Variants in PHACTR1 observed in about 807,000 individuals in gnomAD.
The protein encoded by PHACTR1 is RPEL repeat containing 1.
PHACTR1 carries 16 observed loss-of-function variants against 69.2 expected under a neutral mutation model. That is an observed-to-expected ratio of 0.23 (90% CI 0.16 to 0.35). PHACTR1 has a LOEUF of 0.35. Among genes scored for constraint, PHACTR1 ranks in the 10% least tolerant of loss-of-function variants. PHACTR1 has a pLI of 1.00. For missense variants in PHACTR1, 510 were observed against 734.7 expected (o/e 0.69, Z 3.54); for synonymous variants, 312 against 284.5 (o/e 1.10, Z -0.97).
At chr6:12,797,865 T>A (rs1773237384) in intron 4 of PHACTR1, among the ~76,000 whole-genome samples, 1 of 152,152 alleles carries the variant, frequency 6.6e-6, no homozygotes, top group South Asian at 2.1e-4. Context: ...TTAGGTCTCA[T>A]CTCAAATGTC....
At chr6:13,230,454 G>A (rs6901091) in intron 10 of PHACTR1, 7,493 of 638,788 alleles carry the variant, frequency 0.012, 325 homozygotes, top group African/African-American at 0.11. Context: ...GCTGAGGCAG[G>A]AGGATTGCTT....
At chr6:12,836,037 C>T (rs1348038235) in intron 4 of PHACTR1, among the ~76,000 whole-genome samples, 1 of 152,074 alleles carries the variant, frequency 6.6e-6, no homozygotes, top group Non-Finnish European at 1.5e-5. Context: ...AACATAATGG[C>T]CTTTTATTTA....
intron 4 of PHACTR1, among the ~76,000 whole-genome samples, chr6:13,003,399 T>C (rs1178199267): frequency 6.6e-6 from 1 of 152,150 alleles, no homozygotes; most frequent in East Asian, 1.9e-4. Context: ...AAAAATAAAT[T>C]ACAAGATTTG....
At chr6:12,746,487 G>A (rs775443406) in intron 3 of PHACTR1, among the ~76,000 whole-genome samples, 2 of 152,142 alleles carry the variant, frequency 1.3e-5, no homozygotes, top group Non-Finnish European at 2.9e-5. Context: ...GCAGTGAGTC[G>A]AGACTGCATC....
chr6:12,904,761 A>C (rs1376487803), intron 4 of PHACTR1, among the ~76,000 whole-genome samples: 2 of 152,034 alleles, frequency 1.3e-5, no homozygotes, highest in Non-Finnish European at 2.9e-5. Context: ...CAACCAGCCT[A>C]ATATGTCATG....
intron 5 of PHACTR1, among the ~76,000 whole-genome samples, chr6:13,091,575 C>T (rs965671000): frequency 9.9e-5 from 15 of 152,132 alleles, no homozygotes; most frequent in African/African-American, 3.6e-4. Flanking sequence ...AAGCACATTA[C>T]ATCTATTGTA....
At chr6:12,840,503 A>G (rs1168801173) in intron 4 of PHACTR1, among the ~76,000 whole-genome samples, 2 of 152,210 alleles carry the variant, frequency 1.3e-5, no homozygotes, top group Non-Finnish European at 1.5e-5. Flanking sequence ...ACTTGTAGAA[A>G]AAGAGTCCAG....
chr6:13,220,832 A>G (rs1768492604), intron 8 of PHACTR1, among the ~76,000 whole-genome samples: 2 of 149,416 alleles, frequency 1.3e-5, no homozygotes, highest in Non-Finnish European at 2.9e-5. Flanking sequence ...TGTGACTTCA[A>G]TTCAAATATT....
chr6:12,848,220 A>G (rs1779482561), intron 4 of PHACTR1, among the ~76,000 whole-genome samples: 1 of 152,218 alleles, frequency 6.6e-6, no homozygotes, highest in East Asian at 1.9e-4. Context: ...TCAAACCTGT[A>G]TGCTAACATT....
chr6:13,123,635 TTTG>T (rs1167521421), intron 5 of PHACTR1, among the ~76,000 whole-genome samples: 2 of 152,284 alleles, frequency 1.3e-5, no homozygotes, highest in African/African-American at 4.8e-5. Flanking sequence ...GTTGGGGTGT[TTTG>T]TTGTTGTTGT....
chr6:13,006,660 TACACACAC>T lies in PHACTR1; in HGVS notation c.251-46690_251-46683del, dbSNP rs71819721. Among the ~76,000 whole-genome samples the T allele has an allele frequency of 2.7e-5, 4 of 149,620 alleles. No individual in the cohort carries two copies. The South Asian group carries it at 6.4e-4, about 24-fold the overall frequency. On this transcript the variant is annotated intron_variant, in intron 4 of 14. Coordinates refer to ENST00000332995, the MANE Select transcript of PHACTR1 (RefSeq NM_030948.6). ...TTATATTAAATAAGGTGATATATGA[TACACACAC>T]ACACACACACACACTTCTCATTGTT...
At chr6:13,234,874 T>G (rs901681425) in intron 10 of PHACTR1, among the ~76,000 whole-genome samples, 6 of 152,172 alleles carry the variant, frequency 3.9e-5, no homozygotes, top group African/African-American at 1.4e-4. Flanking sequence ...ACTTTGAACT[T>G]CAGGATGGCA....
intron 3 of PHACTR1, among the ~76,000 whole-genome samples, chr6:12,745,399 C>T (rs548016793): frequency 1.3e-5 from 2 of 152,202 alleles, no homozygotes; most frequent in African/African-American, 2.4e-5. Flanking sequence ...TTTAGAAAGA[C>T]GCAATCATGG....
intron 4 of PHACTR1, among the ~76,000 whole-genome samples, chr6:12,899,500 A>T (rs1285076898): frequency 6.6e-6 from 1 of 152,210 alleles, no homozygotes; most frequent in Non-Finnish European, 1.5e-5. Context: ...AACTATAATT[A>T]AAAGGGTGTG....
At chr6:12,783,287 T>A (rs1408618156) in intron 4 of PHACTR1, among the ~76,000 whole-genome samples, 1 of 152,212 alleles carries the variant, frequency 6.6e-6, no homozygotes, top group African/African-American at 2.4e-5. Context: ...TTGCTGTGCA[T>A]CCTAGCAGAT....
chr6:12,769,935 CT>C (rs1403103475), intron 4 of PHACTR1, among the ~76,000 whole-genome samples: 1 of 152,230 alleles, frequency 6.6e-6, no homozygotes, highest in Non-Finnish European at 1.5e-5. Context: ...AGACTCAAAT[CT>C]CTTTTAGGTA....
intron 5 of PHACTR1, among the ~76,000 whole-genome samples, chr6:13,143,870 GT>G (rs1287131817): frequency 6.6e-6 from 1 of 152,056 alleles, no homozygotes; most frequent in Admixed American, 6.6e-5. Flanking sequence ...CACAGTTAAA[GT>G]TGGATTGGTC....
At chr6:12,944,964 A>G (rs1790511886) in intron 4 of PHACTR1, among the ~76,000 whole-genome samples, 1 of 151,872 alleles carries the variant, frequency 6.6e-6, no homozygotes, top group African/African-American at 2.4e-5. Context: ...TTGTATTTTT[A>G]GTAGAGACGG....
intron 4 of PHACTR1, among the ~76,000 whole-genome samples, chr6:12,889,221 T>C (rs1205384509): frequency 5.9e-5 from 9 of 152,188 alleles, no homozygotes; most frequent in African/African-American, 2.2e-4. Flanking sequence ...CAATTAGCTG[T>C]GTTTATGCCA....
Sources: gnomAD v4.1 joint callset for allele counts (sites outside exome capture counted in the v4.1 genomes callset) on GRCh38, gnomAD v4.1.1 for gene constraint, MANE v1.5 for transcripts, NCBI Gene and HGNC (gene_info 2026-07-23, HGNC 2026-07-21) for gene names.